SREK1: variants seen among roughly 807,000 people sequenced by gnomAD.
SREK1 encodes splicing regulatory glutamine/lysine-rich protein 1.
SREK1 carries 13 observed loss-of-function variants against 66.5 expected under a neutral mutation model. The observed-to-expected ratio is 0.20, with a 90% CI of 0.13 to 0.31. The LOEUF (loss-of-function observed/expected upper bound fraction) is 0.31. Among genes scored for constraint, SREK1 ranks in the 10% least tolerant of loss-of-function variants. SREK1 has a pLI of 1.00. For missense variants in SREK1, 607 were observed against 769.6 expected, an observed-to-expected ratio of 0.79 and a Z score of 2.50; for synonymous variants, 265 against 263.5, an observed-to-expected ratio of 1.01 and a Z score of -0.05.
chr5:66,170,045 C>G lies in SREK1; in HGVS notation c.1002-6C>G, dbSNP rs1419397292. The G allele has an allele frequency of 6.6e-7, 1 of 1,523,234 alleles. No homozygotes were observed. The highest frequency in any genetic ancestry group is 1.3e-5 in the South Asian group (1 of 74,792). The allele number at this position is 1,523,234 out of a possible 1,614,324, so 94.4% of individuals were successfully genotyped here. Reference sequence around the variant, plus strand: ...TTTTGATATTCTAACAATTTTTTTTCTTTAGGAGTAGATCCCATAATAGAT... The same window carrying G: ...TTTTGATATTCTAACAATTTTTTTTGTTTAGGAGTAGATCCCATAATAGAT... On this transcript the variant is annotated splice_polypyrimidine_tract_variant and splice_region_variant and intron_variant, in intron 7 of 11. Transcript: ENST00000334121.
chr5:66,145,426 C>G (rs1743091429), intron 1 of SREK1, among the ~76,000 whole-genome samples: 1 of 151,970 alleles, frequency 6.6e-6, no homozygotes, highest in South Asian at 2.1e-4. Context: ...TTCATTATAT[C>G]AAAATCCTTT....
chr5:66,156,202 T>C, intron 2 of SREK1: 1 of 1,280,360 alleles, frequency 7.8e-7, no homozygotes, highest in South Asian at 2.8e-5. Flanking sequence ...ATGGACGCCC[T>C]GTCTCTGTTT....
chr5:66,164,213 G>A, intron 6 of SREK1: 1 of 317,938 alleles, frequency 3.1e-6, no homozygotes, highest in Admixed American at 4.7e-5. Flanking sequence ...TTATTGCAAG[G>A]CTAAAAAGAG....
Position 66,178,990 on chromosome 5 carries a change from C to A in SREK1, c.*122C>A. ...ATGAAGATAGGATCTAACAGCTTTT[C>A]CAGTTGTTAGATGACTTTGTGGCCA... On this transcript the variant is annotated 3_prime_UTR_variant, in exon 12 of 12. Coordinates refer to ENST00000334121, the MANE Select transcript of SREK1 (RefSeq NM_001077199.3). 8.8e-7 allele frequency: 1 copy of A among 1,133,122 alleles called. No individual in the cohort carries two copies. Among genetic ancestry groups the A allele is most frequent in the South Asian group, 3.0e-5 (1 of 33,490 alleles). The allele number at this position is 1,133,122 out of a possible 1,614,324, so 70.2% of individuals were successfully genotyped here.
chr5:66,175,005 TA>T lies in SREK1; in HGVS notation c.1549del (p.Arg517GlyfsTer38), dbSNP rs1263611149. ...AGATCGCCAAGAACATCAAAAACCA[TA>T]AAAAGGAAATCTTCTAGATCTCCGT... is the stretch of plus-strand genomic sequence containing the variant. Reference protein sequence around the residue: ...SSRSPRTSKTIKRKSSRSPSP... With the variant: ...SSRSPRTSKTXKRKSSRSPSP... On this transcript the variant is annotated frameshift_variant, in exon 10 of 12. Coordinates refer to ENST00000334121, the MANE Select transcript of SREK1 (RefSeq NM_001077199.3). LOFTEE classifies it high-confidence loss of function. 1 of 1,612,540 alleles carries T rather than the reference TA, an allele frequency of 6.2e-7. No individual in the cohort carries two copies. Among genetic ancestry groups the T allele is most frequent in the Non-Finnish European group, 8.5e-7 (1 of 1,179,194 alleles).
intron 1 of SREK1, 87 bp downstream of exon 1, chr5:66,144,624 C>A: frequency 1.4e-6 from 2 of 1,461,244 alleles, no homozygotes; most frequent in Non-Finnish European, 1.8e-6. Flanking sequence ...CGGACGCGGG[C>A]GCGCGGTGCA....
Position 66,144,485 on chromosome 5 carries a change from A to G in SREK1, c.109A>G (p.Thr37Ala), listed in dbSNP as rs1287046888. The G allele has an allele frequency of 3.9e-6, 6 of 1,553,614 alleles. No individual in the cohort carries two copies. Among genetic ancestry groups the G allele is most frequent in the Middle Eastern group, 3.3e-4 (2 of 6,002 alleles). Residue 37 changes from threonine to alanine, a missense_variant, in exon 1 of 12, where the codon ACG (threonine) becomes GCG (alanine). Transcript: ENST00000334121. Reference sequence around the variant, plus strand: ...GGCGGTGACCAGCGAGCAGATGCGGACGCTTTTTTCCTTCCTAGGAGAAAT... The same window carrying G: ...GGCGGTGACCAGCGAGCAGATGCGGGCGCTTTTTTCCTTCCTAGGAGAAAT... ...SSAVTSEQMR[T>A]LFSFLGEIEE...
At chr5:66,169,873 C>T (rs1745487072) in intron 7 of SREK1, 178 bp from the exon 8 acceptor site, 1 of 474,456 alleles carries the variant, frequency 2.1e-6, no homozygotes, top group African/African-American at 2.0e-5. Flanking sequence ...TGTCTCTGTT[C>T]TAGACAATGA....
At chr5:66,158,596 A>G (rs924267776) in intron 2 of SREK1, 1 of 232,050 alleles carries the variant, frequency 4.3e-6, no homozygotes, top group African/African-American at 2.4e-5. Flanking sequence ...ATTTGAAATT[A>G]AATGGAATCT....
chr5:66,147,122 T>C (rs981988025), intron 1 of SREK1, among the ~76,000 whole-genome samples: 4 of 152,216 alleles, frequency 2.6e-5, no homozygotes, highest in African/African-American at 9.6e-5. Context: ...TTAATTCTTT[T>C]GGCATGATGC....
chr5:66,146,836 T>C (rs1743276650), intron 1 of SREK1, among the ~76,000 whole-genome samples: 2 of 152,220 alleles, frequency 1.3e-5, no homozygotes, highest in Non-Finnish European at 2.9e-5. Flanking sequence ...TAAATTGTTT[T>C]AAAATTGGAA....
rs1746163101 is a variant in SREK1 at position 66,177,592 on chromosome 5, T to A, written c.1659T>A (p.Ser553=). The A allele has an allele frequency of 6.2e-7, 1 of 1,611,218 alleles. No individual in the cohort carries two copies. The highest frequency in any genetic ancestry group is 8.5e-7 in the Non-Finnish European group (1 of 1,178,446). Residue 553 remains serine, a synonymous_variant, in exon 11 of 12, where the codon TCT becomes TCA. Coordinates refer to ENST00000334121, the MANE Select transcript of SREK1 (RefSeq NM_001077199.3). ...SERRERERST[S]MRKSSNDRDG... ...GAAGAGAGAGAGAACGTTCAACGTCTATGAGAAAGAGTTCTAATGATAGAG... is the reference window on the plus strand; with the variant it reads ...GAAGAGAGAGAGAACGTTCAACGTCAATGAGAAAGAGTTCTAATGATAGAG...
intron 2 of SREK1, chr5:66,157,651 G>A (rs967516137): frequency 1.0e-6 from 1 of 969,718 alleles, no homozygotes; most frequent in Non-Finnish European, 1.2e-6. Flanking sequence ...TTTCAGTAAG[G>A]CCTACCTGCC....
intron 9 of SREK1, among the ~76,000 whole-genome samples, chr5:66,171,651 T>C (rs1561514266): frequency 6.6e-6 from 1 of 152,166 alleles, no homozygotes; most frequent in Admixed American, 6.5e-5. Flanking sequence ...ATATATATAT[T>C]AGCAAATTTT....
intron 5 of SREK1, 146 bp downstream of exon 5, chr5:66,162,738 A>T: frequency 1.5e-6 from 1 of 656,554 alleles, no homozygotes; most frequent in Admixed American, 3.5e-5. Context: ...GAAATACATG[A>T]GATACTTACC....
intron 9 of SREK1, among the ~76,000 whole-genome samples, chr5:66,174,236 A>T (rs1315570646): frequency 6.6e-6 from 1 of 152,152 alleles, no homozygotes; most frequent in Non-Finnish European, 1.5e-5. Flanking sequence ...TGCTAATCTG[A>T]TAAGCAAAAT....
rs889666773 is a variant in SREK1, at chr5:66,159,014, A to G, written c.296-205A>G. On this transcript the variant is annotated intron_variant, in intron 2 of 11. Transcript: ENST00000334121. ...ATATTCCATTAATGAGATTGTTAAT[A>G]TTTGAAGTTTTGCTCACTTTTATTT... 7 of 1,406,640 alleles carry G rather than the reference A, an allele frequency of 5.0e-6. No individual in the cohort carries two copies. In the African/African-American group the frequency reaches 8.7e-5, roughly 17 times the overall value. 87.1% of individuals were successfully genotyped at this position (1,406,640 alleles called of 1,614,324 possible).
chr5:66,162,352 GTAATAT>G, intron 4 of SREK1, 56 bp from the exon 5 acceptor site: 1 of 1,604,768 alleles, frequency 6.2e-7, no homozygotes, highest in Non-Finnish European at 8.5e-7. Flanking sequence ...AGTGGATACA[GTAATAT>G]TTATCTGATT....
intron 7 of SREK1, 68 bp from the exon 8 acceptor site, chr5:66,169,983 A>G: frequency 1.5e-6 from 2 of 1,318,544 alleles, no homozygotes; most frequent in Non-Finnish European, 2.0e-6. Context: ...GTTAGGATAG[A>G]TTTTAAATTT....
Sources: gnomAD v4.1 joint callset for allele counts (sites outside exome capture counted in the v4.1 genomes callset) on GRCh38, gnomAD v4.1.1 for gene constraint, MANE v1.5 for transcripts, NCBI Gene and HGNC (gene_info 2026-07-23, HGNC 2026-07-21) for gene names.